The following ALG11 variants were observed in gnomAD, a reference collection of about 807,000 sequenced individuals.
ALG11 encodes the protein GDP-Man:Man(3)GlcNAc(2)-PP-Dol alpha-1,2-mannosyltransferase.
Under a neutral mutation model 38.8 loss-of-function variants are expected in ALG11, and 26 were observed. That is an observed-to-expected ratio of 0.67 (90% CI 0.49 to 0.93). ALG11 has a LOEUF of 0.93. Among genes scored for constraint, ALG11 ranks in the 40% least tolerant of loss-of-function variants. ALG11 has a pLI of 0.00. For missense variants in ALG11, 535 were observed against 578.8 expected (o/e 0.92, Z 0.78); for synonymous variants, 199 against 211.6 (o/e 0.94, Z 0.52).
rs773066719 is a variant in ALG11, at chr13:52,030,687, C to G, written c.*2097C>G. ...CCAAAGGACGTGGACCTGACACTAC[C>G]TGGCTGGGGCGAGTGGGGTGGTGTG... On this transcript the variant is annotated 3_prime_UTR_variant, in exon 4 of 4. Transcript: ENST00000521508. 6.2e-7 allele frequency: 1 copy of G among 1,614,192 alleles called. No homozygotes were observed. The highest frequency in any genetic ancestry group is 1.1e-5 in the South Asian group (1 of 91,086).
chr13:52,018,567 T>A lies in ALG11; in HGVS notation c.45-346T>A, dbSNP rs182803131. On this transcript the variant is annotated intron_variant, in intron 1 of 3. Coordinates refer to ENST00000521508, the MANE Select transcript of ALG11 (RefSeq NM_001004127.3). ...CTCAAAATGACAGTATATAACACAT[T>A]CTTAATCATGTCTTGTTTAGATTAA... is the stretch of plus-strand genomic sequence containing the variant. 9.8e-5 allele frequency among the ~76,000 whole-genome samples: 15 copies of A among 152,342 alleles called. No individual in the cohort carries two copies. In the East Asian group the frequency reaches 2.9e-3, roughly 29 times the overall value.
In ALG11 at chr13:52,030,718, A is replaced by G. The variant is rs2140853261; in HGVS notation, c.*2128A>G. On this transcript the variant is annotated 3_prime_UTR_variant, in exon 4 of 4. Transcript: ENST00000521508. The stretch of plus-strand genomic sequence containing the variant: ...GGGGCGAGTGGGGTGGTGTGGGCCT[A>G]AAGCCCAGTGCCAAGAAAAGACGCC... The G allele has an allele frequency of 1.2e-6, 2 of 1,614,224 alleles. No homozygotes were observed. The highest frequency in any genetic ancestry group is 1.7e-5 in the Admixed American group (1 of 60,028).
At chr13:52,014,556 T>TA (rs1240879122) in intron 1 of ALG11, among the ~76,000 whole-genome samples, 2 of 151,602 alleles carry the variant, frequency 1.3e-5, no homozygotes, top group East Asian at 3.9e-4. Flanking sequence ...TTTTTAGAGA[T>TA]AAGAGTCTTG....
chr13:52,019,382 C>G (rs909227212), intron 2 of ALG11, among the ~76,000 whole-genome samples: 1 of 151,812 alleles, frequency 6.6e-6, no homozygotes, highest in Non-Finnish European at 1.5e-5. Flanking sequence ...CCACCACGTC[C>G]GGCTAATTTT....
Position 52,024,781 on chromosome 13 carries a change from G to A in ALG11, c.1051G>A (p.Glu351Lys), listed in dbSNP as rs547958720. 6.2e-7 allele frequency: 1 copy of A among 1,614,210 alleles called. No homozygotes were observed. Among genetic ancestry groups the A allele is most frequent in the East Asian group, 2.2e-5 (1 of 44,888 alleles). The change falls in exon 3 of 4, where the codon GAA becomes AAA. Residue 351 changes from glutamate (E) to lysine (K), a missense_variant. Transcript: ENST00000521508. ...LIGGCRNKDD[E>K]LRVNQLRRLS... Reference sequence around the variant, plus strand: ...TGGAGGTTGTCGTAACAAAGATGATGAACTTAGGGTAAACCAACTGAGAAG... The same window carrying A: ...TGGAGGTTGTCGTAACAAAGATGATAAACTTAGGGTAAACCAACTGAGAAG...
intron 3 of ALG11, among the ~76,000 whole-genome samples, 158 bp downstream of exon 3, chr13:52,025,095 T>C (rs1436394073): frequency 6.6e-6 from 1 of 152,220 alleles, no homozygotes; most frequent in Admixed American, 6.5e-5. Flanking sequence ...TGTAAGATAG[T>C]AGTTAATAAT....
In ALG11 at chr13:52,028,799, G is replaced by A; in HGVS notation, c.*209G>A. ...TTGGTATACATGAGAGAGGCTGGCT[G>A]CTGAGATGAATGTGAACCAGGTTGC... On this transcript the variant is annotated 3_prime_UTR_variant, in exon 4 of 4. Coordinates refer to ENST00000521508, the MANE Select transcript of ALG11 (RefSeq NM_001004127.3). The A allele has an allele frequency of 6.2e-7, 1 of 1,614,200 alleles. No homozygotes were observed. The highest frequency in any genetic ancestry group is 8.5e-7 in the Non-Finnish European group (1 of 1,180,026).
At chr13:52,025,872 G>A (rs548726320) in intron 3 of ALG11, among the ~76,000 whole-genome samples, 11 of 152,354 alleles carry the variant, frequency 7.2e-5, no homozygotes, top group African/African-American at 2.4e-4. Context: ...TAGTAGTGTA[G>A]TGCTAGGCCC....
At position 52,019,093 on chromosome 13, in the gene ALG11, TGGA is replaced by T; in HGVS notation, c.233_235del (p.Gly78del). 1.2e-6 allele frequency: 2 copies of T among 1,614,052 alleles called. No individual in the cohort carries two copies. The highest frequency in any genetic ancestry group is 1.7e-6 in the Non-Finnish European group (2 of 1,179,994). ...TTTTTCATCCATACTGCAATGCTGG[TGGA>T]GGAGGAGAAAGAGTTTTATGGTGTG... is the stretch of plus-strand genomic sequence containing the variant. On this transcript the variant is annotated inframe_deletion, in exon 2 of 4. Coordinates refer to ENST00000521508, the MANE Select transcript of ALG11 (RefSeq NM_001004127.3).
rs1161650294 is a variant in ALG11 at position 52,024,067 on chromosome 13, C to G, written c.337C>G (p.Leu113Val). The change falls in exon 3 of 4, where the codon CTA (leucine) becomes GTA (valine). Residue 113 changes from leucine to valine, a missense_variant. By Grantham distance (32) the Leu-to-Val change is conservative (BLOSUM62 1). Transcript: ENST00000521508. ...TGTTAATGTCAACGGTCAACAGATACTAGAAGGTGCTTTCAGAAGATTTAA... is the reference window on the plus strand; with the variant it reads ...TGTTAATGTCAACGGTCAACAGATAGTAGAAGGTGCTTTCAGAAGATTTAA... ...GDVNVNGQQI[L>V]EGAFRRFNIR... 3 of 1,613,980 alleles carry G rather than the reference C, an allele frequency of 1.9e-6. No homozygotes were observed. The highest frequency in any genetic ancestry group is 2.5e-6 in the Non-Finnish European group (3 of 1,180,016).
chr13:52,025,196 G>A (rs985574982), intron 3 of ALG11, among the ~76,000 whole-genome samples: 2 of 152,120 alleles, frequency 1.3e-5, no homozygotes, highest in South Asian at 4.1e-4. Context: ...TTCTAAACCC[G>A]TTTGATAGGT....
intron 2 of ALG11, chr13:52,021,182 C>T (rs201400722): frequency 4.3e-5 from 2 of 46,466 alleles, no homozygotes; most frequent in Admixed American, 2.9e-4. Context: ...TATCTGATAA[C>T]AATCAAAATC....
chr13:52,013,974 T>C (rs917769935), intron 1 of ALG11, among the ~76,000 whole-genome samples: 8 of 152,224 alleles, frequency 5.3e-5, no homozygotes, highest in East Asian at 1.9e-4. Flanking sequence ...GAAAAGGTCA[T>C]TGATAGGGTT....
Position 52,030,434 on chromosome 13 carries a change from C to A in ALG11, c.*1844C>A. 1 of 1,614,208 alleles carries A rather than the reference C, an allele frequency of 6.2e-7. No individual in the cohort carries two copies. Among genetic ancestry groups the A allele is most frequent in the Non-Finnish European group, 8.5e-7 (1 of 1,180,038 alleles). On this transcript the variant is annotated 3_prime_UTR_variant, in exon 4 of 4. Coordinates refer to ENST00000521508, the MANE Select transcript of ALG11 (RefSeq NM_001004127.3). The stretch of plus-strand genomic sequence containing the variant: ...GTCAGAGAGGACCCCAAATAATCGG[C>A]CTGATGCCCCTAAGGAGAAGAAAGA...
chr13:52,022,758 G>T (rs1487387954), intron 2 of ALG11: 2 of 149,868 alleles, frequency 1.3e-5, no homozygotes, highest in Non-Finnish European at 2.9e-5. Context: ...GAGTGCAGTG[G>T]TGCGATCTTG....
intron 1 of ALG11, among the ~76,000 whole-genome samples, chr13:52,013,471 A>T (rs192019917): frequency 1.0e-3 from 152 of 152,350 alleles, no homozygotes; most frequent in Non-Finnish European, 1.8e-3. Flanking sequence ...TTTACATTAT[A>T]ATGTTTAAAT....
intron 1 of ALG11, chr13:52,017,162 T>G (rs1303641580): frequency 6.6e-6 from 1 of 152,136 alleles, no homozygotes; most frequent in African/African-American, 2.4e-5. Context: ...TTTGGCCAAT[T>G]TCTCCCATTT....
At position 52,029,720 on chromosome 13, in the gene ALG11, A is replaced by G. The variant is rs745478124; in HGVS notation, c.*1130A>G. Reference sequence around the variant, plus strand: ...GCACCAAAACAGTGGGAAATGGGCCAAGTCAAAGGCAATTATGGCCAAATA... The same window carrying G: ...GCACCAAAACAGTGGGAAATGGGCCGAGTCAAAGGCAATTATGGCCAAATA... On this transcript the variant is annotated 3_prime_UTR_variant, in exon 4 of 4. Coordinates refer to ENST00000521508, the MANE Select transcript of ALG11 (RefSeq NM_001004127.3). The G allele has an allele frequency of 1.0e-4, 164 of 1,614,144 alleles. No homozygotes were observed. The highest frequency in any genetic ancestry group is 1.4e-4 in the Non-Finnish European group (162 of 1,180,060).
chr13:52,021,140 A>G, intron 2 of ALG11: 1 of 152,076 alleles, frequency 6.6e-6, no homozygotes, highest in East Asian at 1.9e-4. Context: ...TATAGGAGTG[A>G]CTTGATACTT....
Sources: allele counts gnomAD v4.1 joint callset (sites outside exome capture counted in the v4.1 genomes callset), GRCh38; gene constraint gnomAD v4.1.1; transcripts MANE v1.5; gene names NCBI Gene and HGNC (gene_info 2026-07-23, HGNC 2026-07-21).